Variants in JAKMIP1 observed in about 807,000 individuals in gnomAD.
The protein encoded by JAKMIP1 is janus kinase and microtubule interacting protein 1.
In JAKMIP1, 33 loss-of-function variants were observed where a neutral mutation model predicts 113.0. The ratio of observed to expected loss-of-function variants is 0.29; its 90% confidence interval spans 0.22 to 0.39. The LOEUF (loss-of-function observed/expected upper bound fraction) is 0.39. JAKMIP1 is among the 10% of genes least tolerant of loss of function. JAKMIP1 has a pLI of 1.00. For missense variants in JAKMIP1, 813 were observed against 1,080.5 expected, an observed-to-expected ratio of 0.75 and a Z score of 3.47; for synonymous variants, 480 against 459.9, an observed-to-expected ratio of 1.04 and a Z score of -0.56.
chr4:6,131,709 G>A lies in JAKMIP1; in HGVS notation c.-147-18712C>T, dbSNP rs764863259. Among the ~76,000 whole-genome samples the A allele has an allele frequency of 2.0e-5, 3 of 152,158 alleles. No individual in the cohort carries two copies. The East Asian group carries it at 5.8e-4, about 29-fold the overall frequency. The stretch of plus-strand genomic sequence containing the variant: ...GGTGCCACTGCACTCCAGCCTGGGC[G>A]ACAGAGTGAGATTCTGTCTAAACCA... On this transcript the variant is annotated intron_variant, in intron 1 of 20. Coordinates refer to ENST00000409021, the MANE Select transcript of JAKMIP1 (RefSeq NM_001099433.2).
chr4:6,070,339 C>T, intron 8 of JAKMIP1: 1 of 384,042 alleles, frequency 2.6e-6, no homozygotes, highest in Non-Finnish European at 4.6e-6. Context: ...TTCCTGTGGA[C>T]CCGTCTGCTG....
At chr4:6,104,474 T>C (rs535888966) in intron 3 of JAKMIP1, among the ~76,000 whole-genome samples, 1 of 152,396 alleles carries the variant, frequency 6.6e-6, no homozygotes, top group South Asian at 2.1e-4. Flanking sequence ...TTGACATTAA[T>C]ACAGCCAGAC....
Position 6,154,500 on chromosome 4 carries a change from TAAA to T in JAKMIP1, c.-147-41506_-147-41504del, listed in dbSNP as rs67524653. On this transcript the variant is annotated intron_variant, in intron 1 of 20. Transcript: ENST00000409021. This position sits in a 1 kb window ranked among gnomAD's most constrained non-coding sequence, Gnocchi z 4.2. ...AATTTGTCAGATGTCTATAGTCCTTTAAAAAAAAAAAAAAGCAGGGGGGATATA... is the reference window on the plus strand; with the variant it reads ...AATTTGTCAGATGTCTATAGTCCTTTAAAAAAAAAAAGCAGGGGGGATATA... 8.8e-5 allele frequency among the ~76,000 whole-genome samples: 12 copies of T among 137,096 alleles called. No individual in the cohort carries two copies. The highest frequency in any genetic ancestry group is 1.5e-4 in the Admixed American group (2 of 13,758). The allele number at this position is 137,096 out of a possible 152,430, so 89.9% of individuals were successfully genotyped here. A position where few individuals can be genotyped will look rare whatever the true frequency, so the allele number is the denominator to read the frequency against.
In JAKMIP1 at chr4:6,179,049, A is replaced by C. The variant is rs1725725378; in HGVS notation, c.-148+21204T>G. Among the ~76,000 whole-genome samples, 1 of 152,262 alleles carries C rather than the reference A, an allele frequency of 6.6e-6. No individual in the cohort carries two copies. Among genetic ancestry groups the C allele is most frequent in the Non-Finnish European group, 1.5e-5 (1 of 68,046 alleles). On this transcript the variant is annotated intron_variant, in intron 1 of 20. Coordinates refer to ENST00000409021, the MANE Select transcript of JAKMIP1 (RefSeq NM_001099433.2). The surrounding 1 kb of genome is among the most constrained non-coding windows in gnomAD (Gnocchi z 4.5). ...TATAGCATATTCCCAGGAAAAAATAAAACTGGGCTATATGTCCAGAGAGTG... is the reference window on the plus strand; with the variant it reads ...TATAGCATATTCCCAGGAAAAAATACAACTGGGCTATATGTCCAGAGAGTG...
chr4:6,103,227 A>G (rs933768093), intron 3 of JAKMIP1, among the ~76,000 whole-genome samples: 2 of 152,062 alleles, frequency 1.3e-5, no homozygotes, highest in African/African-American at 4.8e-5. Flanking sequence ...ATGAAGTTGA[A>G]TTTTACCAAC....
At chr4:6,029,576 G>C (rs1043397520) in intron 20 of JAKMIP1, 140 bp downstream of exon 20, 4 of 638,836 alleles carry the variant, frequency 6.3e-6, no homozygotes, top group Non-Finnish European at 1.1e-5. Context: ...ATTTCCATGA[G>C]ATGCTGATTT....
At chr4:6,145,645 C>A (rs1303858796) in intron 1 of JAKMIP1, among the ~76,000 whole-genome samples, 2 of 152,166 alleles carry the variant, frequency 1.3e-5, no homozygotes, top group African/African-American at 4.8e-5. Flanking sequence ...TATTTGTGTG[C>A]TAGGCTGCTA....
In JAKMIP1 at chr4:6,187,015, A is replaced by G. The variant is rs1459069426; in HGVS notation, c.-148+13238T>C. ...GGCTAATTTTGTATTTTTTTTGTAG[A>G]GACAGAGTTTCATCATGTTATCCAG... On this transcript the variant is annotated intron_variant, in intron 1 of 20. Coordinates refer to ENST00000409021, the MANE Select transcript of JAKMIP1 (RefSeq NM_001099433.2). The surrounding 1 kb of genome is among the most constrained non-coding windows in gnomAD (Gnocchi z 4.2). Among the ~76,000 whole-genome samples the G allele has an allele frequency of 2.0e-5, 3 of 151,960 alleles. No individual in the cohort carries two copies. Among genetic ancestry groups the G allele is most frequent in the Non-Finnish European group, 2.9e-5 (2 of 67,986 alleles).
At chr4:6,132,714 C>A (rs1718684608) in intron 1 of JAKMIP1, among the ~76,000 whole-genome samples, 1 of 150,906 alleles carries the variant, frequency 6.6e-6, no homozygotes, top group Admixed American at 6.6e-5. Context: ...TTAAGGGTCA[C>A]AAACAGAAAA....
intron 1 of JAKMIP1, among the ~76,000 whole-genome samples, chr4:6,128,880 AG>A (rs1242714124): frequency 2.6e-5 from 4 of 152,232 alleles, no homozygotes; most frequent in African/African-American, 9.6e-5. Context: ...GAGATAAAAC[AG>A]CAGTAACAGG....
intron 3 of JAKMIP1, among the ~76,000 whole-genome samples, chr4:6,098,713 A>AG (rs1712434145): frequency 3.1e-5 from 1 of 31,802 alleles, no homozygotes; most frequent in African/African-American, 8.7e-5. Context: ...AGAAAGAAAG[A>AG]AAGAAAGAAA....
rs1265360786 is a variant in JAKMIP1 at position 6,141,830 on chromosome 4, T to G, written c.-147-28833A>C. 1.3e-5 allele frequency among the ~76,000 whole-genome samples: 2 copies of G among 152,286 alleles called. No individual in the cohort carries two copies. Among genetic ancestry groups the G allele is most frequent in the Admixed American group, 1.3e-4 (2 of 15,296 alleles). ...GCAGCCCGGTGGGAGCGGAAGTTGA[T>G]GTGGAAACCACTCATTTCTGCTGTC... On this transcript the variant is annotated intron_variant, in intron 1 of 20. Transcript: ENST00000409021. The surrounding 1 kb of genome is among the most constrained non-coding windows in gnomAD (Gnocchi z 9.4).
rs931650794 is a variant in JAKMIP1 at position 6,105,575 on chromosome 4, C to A, written c.522G>T (p.Gln174His). The change falls in exon 3 of 21, where the codon CAG becomes CAT. Residue 174 changes from glutamine to histidine, a missense_variant. Gln to His is a conservative substitution (Grantham distance 24). Transcript: ENST00000409021. ...GGTCGGCTGCCTTGGTCTTGTCAGC[C>A]TGCATGCAGTTACTGAGCGCCTCCT... is the stretch of plus-strand genomic sequence containing the variant. ...QAEEALSNCM[Q>H]ADKTKAADLR... is the part of the protein sequence containing the mutation. 2.5e-6 allele frequency: 4 copies of A among 1,601,214 alleles called. No homozygotes were observed. In the African/African-American group the frequency reaches 5.3e-5, roughly 21 times the overall value.
chr4:6,172,838 G>A (rs942505209), intron 1 of JAKMIP1, among the ~76,000 whole-genome samples: 1 of 152,154 alleles, frequency 6.6e-6, no homozygotes, highest in African/African-American at 2.4e-5. Context: ...CACTGACTGT[G>A]CATCTCTTGG....
Position 6,080,085 on chromosome 4 carries a change from C to T in JAKMIP1, c.1242+87G>A, listed in dbSNP as rs989635773. On this transcript the variant is annotated intron_variant, in intron 7 of 20. Transcript: ENST00000409021. This position sits in a 1 kb window ranked among gnomAD's most constrained non-coding sequence, Gnocchi z 6.0. The stretch of plus-strand genomic sequence containing the variant: ...ACCCTGACCCAGCTCAGCAGCATCA[C>T]CCTGAGCCCCAACACCCGTTCCTGA... 4.8e-6 allele frequency: 7 copies of T among 1,446,126 alleles called. No individual in the cohort carries two copies. Among genetic ancestry groups the T allele is most frequent in the Non-Finnish European group, 5.6e-6 (6 of 1,074,540 alleles). The allele number at this position is 1,446,126 out of a possible 1,614,324, so 89.6% of individuals were successfully genotyped here.
intron 2 of JAKMIP1, among the ~76,000 whole-genome samples, chr4:6,112,479 T>A (rs1468372655): frequency 1.3e-5 from 2 of 152,170 alleles, no homozygotes; most frequent in African/African-American, 4.8e-5. Flanking sequence ...ATCTTGCAGG[T>A]AAGAGAAATC....
intron 18 of JAKMIP1, among the ~76,000 whole-genome samples, chr4:6,039,545 C>CA (rs1313919907): frequency 6.6e-6 from 1 of 152,128 alleles, no homozygotes; most frequent in African/African-American, 2.4e-5. Context: ...TTCAAAAGCA[C>CA]CAAGCCTGGA....
In JAKMIP1 at chr4:6,091,444, A is replaced by G. The variant is rs144404590; in HGVS notation, c.625-5815T>C. Among the ~76,000 whole-genome samples the G allele has an allele frequency of 2.0e-3, 306 of 152,366 alleles. 2 individuals are homozygous for G. Among genetic ancestry groups the G allele is most frequent in the East Asian group, 0.014 (71 of 5,190 alleles). ...TTACAAGTATCCTATTACAGAAACT[A>G]TAAGCTGCTACATGCTTTAGCTCAC... On this transcript the variant is annotated intron_variant, in intron 3 of 20. Coordinates refer to ENST00000409021, the MANE Select transcript of JAKMIP1 (RefSeq NM_001099433.2).
chr4:6,054,984 A>C (rs945702951), intron 12 of JAKMIP1, among the ~76,000 whole-genome samples: 2 of 152,134 alleles, frequency 1.3e-5, no homozygotes, highest in African/African-American at 2.4e-5. Flanking sequence ...AGATGCTAAA[A>C]TTCTCCCGAG....
Sources: gnomAD v4.1 joint callset for allele counts (sites outside exome capture counted in the v4.1 genomes callset) on GRCh38, gnomAD v4.1.1 for gene constraint, Gnocchi (gnomAD v3.1) non-coding constraint, MANE v1.5 for transcripts, NCBI Gene and HGNC (gene_info 2026-07-23, HGNC 2026-07-21) for gene names.